TDRD9: variants seen among roughly 807,000 people sequenced by gnomAD.
The protein encoded by TDRD9 is ATP-dependent RNA helicase TDRD9.
TDRD9 carries 124 observed loss-of-function variants against 172.6 expected under a neutral mutation model. That is an observed-to-expected ratio of 0.72 (90% CI 0.62 to 0.83). The LOEUF (loss-of-function observed/expected upper bound fraction) is 0.83, where lower values mean the gene tolerates loss of function less well. Among genes scored for constraint, TDRD9 ranks in the 40% least tolerant of loss-of-function variants. The pLI is 0.00. For synonymous variants in TDRD9, 619 were observed against 617.1 expected (o/e 1.00, Z -0.05); for missense variants, 1,479 against 1,714.1 (o/e 0.86, Z 2.42).
intron 22 of TDRD9, among the ~76,000 whole-genome samples, chr14:104,017,846 T>A (rs1329618392): frequency 6.6e-6 from 1 of 152,248 alleles, no homozygotes; most frequent in South Asian, 2.1e-4. Flanking sequence ...TTAATTTTGC[T>A]GTATTAGACT....
At chr14:104,016,130 G>A in intron 22 of TDRD9, 42 bp downstream of exon 22, 1 of 1,367,704 alleles carries the variant, frequency 7.3e-7, no homozygotes, top group Non-Finnish European at 1.0e-6. Context: ...GGTGTGGTGG[G>A]GCAGAACATT....
rs182221660 is a variant in TDRD9 at position 103,930,530 on chromosome 14, A to G, written c.215+1806A>G. Among the ~76,000 whole-genome samples the G allele has an allele frequency of 1.7e-3, 259 of 152,178 alleles. 1 individual carries two copies. The highest frequency in any genetic ancestry group is 0.01 in the South Asian group (50 of 4,824). ...TTGTTAGTCTTGTCTGATTTGATGG[A>G]TAGGCCCAGACTCTGGGTCAAGCTT... On this transcript the variant is annotated intron_variant, in intron 1 of 35. Transcript: ENST00000409874.
At chr14:103,943,821 C>T (rs900778849) in intron 1 of TDRD9, among the ~76,000 whole-genome samples, 1 of 152,190 alleles carries the variant, frequency 6.6e-6, no homozygotes, top group Non-Finnish European at 1.5e-5. Context: ...ACGTTGTTTA[C>T]ATCAGACTTG....
At chr14:103,947,711 A>T (rs1184462323) in intron 1 of TDRD9, among the ~76,000 whole-genome samples, 2 of 152,234 alleles carry the variant, frequency 1.3e-5, no homozygotes, top group African/African-American at 4.8e-5. Context: ...TTTACACCAT[A>T]TACAAAAATT....
At chr14:103,943,591 C>T (rs2031393612) in intron 1 of TDRD9, among the ~76,000 whole-genome samples, 2 of 151,394 alleles carry the variant, frequency 1.3e-5, no homozygotes, top group South Asian at 4.2e-4. Flanking sequence ...TCAAGTAATC[C>T]ACCTGCCTCA....
chr14:103,977,021 CTTTA>C (rs1401023003), intron 7 of TDRD9, among the ~76,000 whole-genome samples: 2 of 152,062 alleles, frequency 1.3e-5, no homozygotes, highest in East Asian at 1.9e-4. Context: ...TGCACCCAGC[CTTTA>C]TTTGTCTTTT....
chr14:103,959,096 A>G (rs1229009531), intron 2 of TDRD9, among the ~76,000 whole-genome samples: 1 of 152,138 alleles, frequency 6.6e-6, no homozygotes, highest in Non-Finnish European at 1.5e-5. Context: ...GCCAGAGTGG[A>G]CCTGAGGAGA....
At chr14:103,973,341 G>A (rs916112547) in intron 6 of TDRD9, among the ~76,000 whole-genome samples, 6 of 152,104 alleles carry the variant, frequency 3.9e-5, no homozygotes, top group Admixed American at 2.6e-4. Flanking sequence ...GTGGGGCACG[G>A]GCACATGGGC....
chr14:103,946,868 A>G (rs919336811), intron 1 of TDRD9, among the ~76,000 whole-genome samples: 1 of 152,240 alleles, frequency 6.6e-6, no homozygotes, highest in African/African-American at 2.4e-5. Flanking sequence ...GAGAAGTGCA[A>G]AACATTGCTG....
chr14:104,051,322 T>C (rs7146280), intron 35 of TDRD9, among the ~76,000 whole-genome samples: 144,655 of 152,336 alleles, frequency 0.95, 69,125 homozygotes, highest in East Asian at 1. Context: ...ATGGTATGTG[T>C]GTACCACATC....
rs563711411 is a variant in TDRD9 at position 103,980,780 on chromosome 14, G to T, written c.1011+5227G>T. On this transcript the variant is annotated intron_variant, in intron 7 of 35. Transcript: ENST00000409874. The surrounding 1 kb of genome is among the most constrained non-coding windows in gnomAD (Gnocchi z 4.5). ...GCTAGACCATGGTCCGCTTGGCAAC[G>T]GGCGTCTTCCCAGATGCTGGCATTA... 1.4e-4 allele frequency among the ~76,000 whole-genome samples: 21 copies of T among 152,174 alleles called. No individual in the cohort carries two copies. The highest frequency in any genetic ancestry group is 4.8e-4 in the African/African-American group (20 of 41,522).
At chr14:104,019,091 T>C (rs955037965) in intron 23 of TDRD9, among the ~76,000 whole-genome samples, 1 of 152,200 alleles carries the variant, frequency 6.6e-6, no homozygotes, top group Non-Finnish European at 1.5e-5. Context: ...TTAAATATTC[T>C]GATGTAAATT....
intron 1 of TDRD9, 55 bp from the exon 2 acceptor site, chr14:103,955,609 C>A (rs2032153789): frequency 7.1e-7 from 1 of 1,407,382 alleles, no homozygotes; most frequent in Non-Finnish European, 9.7e-7. Context: ...GTCTAGTACA[C>A]AAGGGTTTCT....
In TDRD9 at chr14:104,020,384, G is replaced by C. The variant is rs1234127164; in HGVS notation, c.2433-1773G>C. 3.9e-5 allele frequency among the ~76,000 whole-genome samples: 6 copies of C among 152,300 alleles called. No individual in the cohort carries two copies. The South Asian group carries it at 6.2e-4, about 16-fold the overall frequency. On this transcript the variant is annotated intron_variant, in intron 23 of 35. Coordinates refer to ENST00000409874, the MANE Select transcript of TDRD9 (RefSeq NM_153046.3). ...AAGGAGGATGTCTTGGATTTGCCTG[G>C]TGATTGCATGTGGGGGGCAAAGAAG...
intron 14 of TDRD9, 50 bp from the exon 15 acceptor site, chr14:104,005,224 A>G (rs371923118): frequency 5.5e-5 from 88 of 1,601,470 alleles, no homozygotes; most frequent in Admixed American, 1.8e-4. Context: ...GAATCGGCTA[A>G]CTGATTTAGT....
At chr14:103,958,653 G>C (rs1398783313) in intron 2 of TDRD9, among the ~76,000 whole-genome samples, 1 of 152,160 alleles carries the variant, frequency 6.6e-6, no homozygotes. Context: ...CAAGGAAGAG[G>C]CCATGAGCCA....
intron 28 of TDRD9, 26 bp from the exon 29 acceptor site, chr14:104,031,082 A>G (rs553607162): frequency 6.5e-7 from 1 of 1,540,224 alleles, no homozygotes; most frequent in Admixed American, 2.1e-5. Context: ...TTCTTTTAAC[A>G]AAACAAACTT....
intron 19 of TDRD9, among the ~76,000 whole-genome samples, chr14:104,007,407 G>A (rs12100528): frequency 0.38 from 58,509 of 152,008 alleles, 11,565 homozygotes; most frequent in African/African-American, 0.46. Context: ...TCGCTTCTCG[G>A]GAGGCCGCTT....
chr14:104,015,793 T>C (rs2034772136), intron 21 of TDRD9, among the ~76,000 whole-genome samples, 188 bp from the exon 22 acceptor site: 1 of 152,206 alleles, frequency 6.6e-6, no homozygotes, highest in Admixed American at 6.5e-5. Context: ...TTTTTAGTGT[T>C]TCTGTTAGAT....
Sources: gnomAD v4.1 joint callset for allele counts (sites outside exome capture counted in the v4.1 genomes callset) on GRCh38, gnomAD v4.1.1 for gene constraint, Gnocchi (gnomAD v3.1) non-coding constraint, MANE v1.5 for transcripts, NCBI Gene and HGNC (gene_info 2026-07-23, HGNC 2026-07-21) for gene names.